LIMCH1: variants seen among roughly 807,000 people sequenced by gnomAD.
LIMCH1 encodes LIM and calponin homology domains 1, also known as LIM and calponin homology domains-containing protein 1.
Under a neutral mutation model 176.5 loss-of-function variants are expected in LIMCH1, and 113 were observed. The ratio of observed to expected loss-of-function variants is 0.64; its 90% CI spans 0.55 to 0.75. The LOEUF (loss-of-function observed/expected upper bound fraction) is 0.75. Among genes scored for constraint, LIMCH1 ranks in the 30% least tolerant of loss-of-function variants. LIMCH1 has a pLI of 0.00. For missense variants in LIMCH1, 1,674 were observed against 1,814.9 expected, an observed-to-expected ratio of 0.92 and a Z score of 1.41; for synonymous variants, 619 against 645.9, an observed-to-expected ratio of 0.96 and a Z score of 0.63.
intron 1 of LIMCH1, among the ~76,000 whole-genome samples, chr4:41,440,167 ATAAT>A (rs1039997057): frequency 3.9e-5 from 6 of 152,360 alleles, no homozygotes; most frequent in Non-Finnish European, 8.8e-5. Flanking sequence ...TTTCCCCTCT[ATAAT>A]TAACAAGTTT....
Position 41,463,957 on chromosome 4 carries a change from A to G in LIMCH1, c.97-30579A>G, listed in dbSNP as rs116567409. Among the ~76,000 whole-genome samples the G allele has an allele frequency of 5.0e-3, 762 of 152,206 alleles. 15 individuals are homozygous for G. Among genetic ancestry groups the G allele is most frequent in the African/African-American group, 0.018 (736 of 41,530 alleles). ...GATCTCAAACTCCAGGGCTCCAGCTATCTTTCCAGCTTAGCCTCACAAAGT... is the reference window on the plus strand; with the variant it reads ...GATCTCAAACTCCAGGGCTCCAGCTGTCTTTCCAGCTTAGCCTCACAAAGT... On this transcript the variant is annotated intron_variant, in intron 1 of 26. Coordinates refer to the LIMCH1 transcript ENST00000313860.
At chr4:41,527,319 A>G (rs2076757642) in intron 3 of LIMCH1, among the ~76,000 whole-genome samples, 1 of 152,200 alleles carries the variant, frequency 6.6e-6, no homozygotes, top group South Asian at 2.1e-4. Flanking sequence ...AAGGCCTGCA[A>G]GTGGTTTCGT....
intron 1 of LIMCH1, among the ~76,000 whole-genome samples, chr4:41,466,371 G>A (rs1028363351): frequency 1.3e-5 from 2 of 152,320 alleles, no homozygotes; most frequent in East Asian, 1.9e-4. Flanking sequence ...CAATGCCCAG[G>A]CCCCACTTCA....
Position 41,681,013 on chromosome 4 carries a change from A to G in LIMCH1, c.3671A>G (p.Asp1224Gly). 2.5e-6 allele frequency: 4 copies of G among 1,612,984 alleles called. No individual in the cohort carries two copies. Among genetic ancestry groups the G allele is most frequent in the East Asian group, 2.2e-5 (1 of 44,862 alleles). ...VPFTVSSSSA[D>G]QLSTSSSMTE... The stretch of plus-strand genomic sequence containing the variant: ...TTTACTGTTTCTTCAAGTTCCGCTG[A>G]CCAGCTGTCTACCTCTTCCTCCATG... The change falls in exon 25 of 32, where the codon GAC becomes GGC. Residue 1224 changes from aspartate to glycine, a missense_variant. Asp to Gly is a moderately conservative substitution (Grantham distance 94). Around this residue, in one of 3 missense-constraint regions of LIMCH1, gnomAD observed 1,015 missense variants for 1,102.5 expected, o/e 0.92. Coordinates refer to ENST00000503057, the MANE Select transcript of LIMCH1 (RefSeq NM_001330672.2).
chr4:41,586,402 G>A (rs190958239), intron 1 of LIMCH1, among the ~76,000 whole-genome samples: 5 of 151,924 alleles, frequency 3.3e-5, no homozygotes, highest in Admixed American at 2.6e-4. Context: ...GAGCCACTGC[G>A]CCTGGCCTAA....
At chr4:41,613,010 G>A in intron 4 of LIMCH1, 1 of 1,551,940 alleles carries the variant, frequency 6.4e-7, no homozygotes, top group South Asian at 1.2e-5. Flanking sequence ...TTGCCAGATA[G>A]TATAAACAGG....
rs2093786620 is a variant in LIMCH1, at chr4:41,640,787, C to T, written c.2126+1820C>T. ...ACAGGCTATATTTATTAATAATTGA[C>T]ACATTCTTAAAATAGAGCCCAATCA... On this transcript the variant is annotated intron_variant, in intron 14 of 31. Transcript: ENST00000503057. Among the ~76,000 whole-genome samples, 4 of 152,150 alleles carry T rather than the reference C, an allele frequency of 2.6e-5. No homozygotes were observed. In the South Asian group the frequency reaches 8.3e-4, roughly 32 times the overall value.
chr4:41,643,919 A>C (rs1192424294), intron 14 of LIMCH1, among the ~76,000 whole-genome samples: 1 of 152,222 alleles, frequency 6.6e-6, no homozygotes, highest in East Asian at 1.9e-4. Flanking sequence ...AGATGCATCT[A>C]AAATTCAATA....
chr4:41,652,075 GA>G (rs1394122373), intron 18 of LIMCH1, among the ~76,000 whole-genome samples: 1 of 152,080 alleles, frequency 6.6e-6, no homozygotes, highest in Non-Finnish European at 1.5e-5. Context: ...TACAAGAAGG[GA>G]AAAACTATCA....
At chr4:41,512,569 T>C (rs1268920490) in intron 2 of LIMCH1, among the ~76,000 whole-genome samples, 2 of 152,140 alleles carry the variant, frequency 1.3e-5, no homozygotes, top group Admixed American at 6.5e-5. Flanking sequence ...ATTATTTGGC[T>C]ATAAAAAGGA....
chr4:41,652,935 G>C (rs2094350654), intron 18 of LIMCH1, among the ~76,000 whole-genome samples: 1 of 152,090 alleles, frequency 6.6e-6, no homozygotes, highest in Non-Finnish European at 1.5e-5. Context: ...TTTCTTCCTT[G>C]GAGAAATTGC....
At chr4:41,550,142 T>C (rs920880875) in intron 1 of LIMCH1, among the ~76,000 whole-genome samples, 3 of 151,808 alleles carry the variant, frequency 2.0e-5, no homozygotes, top group Non-Finnish European at 4.4e-5. Context: ...CCATTTCTTA[T>C]GCCCACTGTC....
intron 31 of LIMCH1, among the ~76,000 whole-genome samples, chr4:41,693,755 T>A (rs1007027043): frequency 2.0e-5 from 3 of 152,188 alleles, no homozygotes; most frequent in African/African-American, 7.2e-5. Context: ...TAAATTATTC[T>A]TTTTCTCTAC....
chr4:41,464,722 C>T (rs2065878976), intron 1 of LIMCH1, among the ~76,000 whole-genome samples: 1 of 152,138 alleles, frequency 6.6e-6, no homozygotes, highest in African/African-American at 2.4e-5. Context: ...ACCTCCCCAG[C>T]ATTGTCTGTT....
At chr4:41,486,898 C>T (rs2069652972) in intron 1 of LIMCH1, among the ~76,000 whole-genome samples, 1 of 151,830 alleles carries the variant, frequency 6.6e-6, no homozygotes, top group African/African-American at 2.4e-5. Context: ...TCTCCTCCCT[C>T]AGCTTCCCAA....
At chr4:41,481,444 C>T (rs2068602696) in intron 1 of LIMCH1, among the ~76,000 whole-genome samples, 1 of 152,118 alleles carries the variant, frequency 6.6e-6, no homozygotes, top group African/African-American at 2.4e-5. Flanking sequence ...CATTATTTTC[C>T]TCATCTGTAA....
chr4:41,479,926 G>C (rs1301903689), intron 1 of LIMCH1, among the ~76,000 whole-genome samples: 1 of 152,070 alleles, frequency 6.6e-6, no homozygotes. Flanking sequence ...CGTTGAAGTG[G>C]CAAATTTGCC....
At chr4:41,662,507 A>G (rs549008807) in intron 19 of LIMCH1, among the ~76,000 whole-genome samples, 2 of 152,302 alleles carry the variant, frequency 1.3e-5, no homozygotes, top group Non-Finnish European at 2.9e-5. Flanking sequence ...TGTCATAATT[A>G]TATATTTCGT....
At chr4:41,450,008 C>T (rs1411613658) in intron 1 of LIMCH1, among the ~76,000 whole-genome samples, 1 of 152,186 alleles carries the variant, frequency 6.6e-6, no homozygotes, top group African/African-American at 2.4e-5. Flanking sequence ...ATTAGAGGCC[C>T]ACCTTATTCC....
Sources: gnomAD v4.1 joint callset for allele counts (sites outside exome capture counted in the v4.1 genomes callset) on GRCh38, gnomAD v4.1.1 for gene constraint, gnomAD v4.1.1 regional missense constraint, MANE v1.5 for transcripts, NCBI Gene and HGNC (gene_info 2026-07-23, HGNC 2026-07-21) for gene names.